PCDHGA3: variants seen among roughly 807,000 people sequenced by gnomAD.
The protein encoded by PCDHGA3 is protocadherin gamma-A3.
A neutral mutation model predicts 58.5 loss-of-function variants in PCDHGA3; 40 were observed. The observed-to-expected ratio is 0.68, with a 90% CI of 0.53 to 0.89. PCDHGA3 has a LOEUF of 0.89. Ranked by LOEUF, PCDHGA3 falls within the 40% of genes least tolerant of loss-of-function variation. The pLI is 0.00. For missense variants in PCDHGA3, 1,223 were observed against 1,195.9 expected (o/e 1.02, Z -0.33); for synonymous variants, 530 against 525.7 (o/e 1.01, Z -0.11).
chr5:141,355,452 G>T (rs371481857), intron 1 of PCDHGA3: 5 of 1,613,958 alleles, frequency 3.1e-6, no homozygotes, highest in Non-Finnish European at 4.2e-6. Context: ...GCGGCACCTT[G>T]GTCACCGCGG....
chr5:141,410,245 C>T, intron 1 of PCDHGA3: 1 of 1,614,038 alleles, frequency 6.2e-7, no homozygotes. Context: ...GCCCTGTACT[C>T]TCTGACCCCC....
At chr5:141,433,123 C>T (rs575738328) in intron 1 of PCDHGA3, 5 of 1,614,116 alleles carry the variant, frequency 3.1e-6, no homozygotes, top group African/African-American at 2.7e-5. Context: ...TTGAAAAAAG[C>T]GAGCCCCTTT....
rs771512073 is a variant in PCDHGA3, at chr5:141,345,913, G to C, written c.1880G>C (p.Arg627Pro). ...GTGGGTCTGCACACGGGCGAGGTGC[G>C]CACGGCGCGAGCCCTGCTGGACAGA... ...FSVGLHTGEV[R>P]TARALLDRDA... The change falls in exon 1 of 4, where the codon CGC becomes CCC. Residue 627 changes from arginine (R) to proline (P), a missense_variant. Physicochemically the swap from Arg to Pro is moderately radical, Grantham distance 103. Transcript: ENST00000253812. 6.2e-7 allele frequency: 1 copy of C among 1,613,248 alleles called. No homozygotes were observed. The highest frequency in any genetic ancestry group is 1.7e-5 in the Admixed American group (1 of 59,990).
At chr5:141,377,245 G>C (rs376774075) in intron 1 of PCDHGA3, 1 of 151,350 alleles carries the variant, frequency 6.6e-6, no homozygotes, top group South Asian at 2.1e-4. Context: ...TGTGACATTT[G>C]TAAGGTTCTT....
intron 1 of PCDHGA3, chr5:141,410,555 C>G: frequency 1.2e-6 from 2 of 1,613,202 alleles, no homozygotes; most frequent in Non-Finnish European, 1.7e-6. Flanking sequence ...CAGTGTTTCT[C>G]CTGGAGCCTT....
intron 1 of PCDHGA3, chr5:141,366,838 T>G: frequency 6.7e-7 from 1 of 1,503,394 alleles, no homozygotes; most frequent in Non-Finnish European, 8.9e-7. Context: ...ATCAGCTAGT[T>G]ATGTAAATAG....
rs182104750 is a variant in PCDHGA3 at position 141,376,315 on chromosome 5, A to C, written c.2424+29858A>C. 8.5e-4 allele frequency: 1,369 copies of C among 1,614,156 alleles called. 7 individuals are homozygous for C. The Middle Eastern group carries it at 0.016, about 18-fold the overall frequency. On this transcript the variant is annotated intron_variant, in intron 1 of 3. Coordinates refer to ENST00000253812, the MANE Select transcript of PCDHGA3 (RefSeq NM_018916.4). ...CCGGCTCGCACTTTGTGGGCGTGGA[A>C]GGGGTTCGGGCTTTCCTGCAGACCT...
intron 1 of PCDHGA3, chr5:141,395,555 TGTGTG>T: frequency 9.9e-6 from 1 of 101,256 alleles, no homozygotes; most frequent in Non-Finnish European, 1.7e-5. Context: ...TGTGTGTGTG[TGTGTG>T]TGTGTGTGTG....
intron 1 of PCDHGA3, chr5:141,388,158 A>T (rs763395906): frequency 3.4e-5 from 50 of 1,469,960 alleles, no homozygotes; most frequent in Non-Finnish European, 4.7e-5. Flanking sequence ...CAGGCTAGAC[A>T]GGGAGGAGAT....
chr5:141,387,209 T>A lies in PCDHGA3; in HGVS notation c.2424+40752T>A, dbSNP rs911946032. Among the ~76,000 whole-genome samples, 3 of 152,170 alleles carry A rather than the reference T, an allele frequency of 2.0e-5. No individual in the cohort carries two copies. In the South Asian group the frequency reaches 6.2e-4, roughly 31 times the overall value. On this transcript the variant is annotated intron_variant, in intron 1 of 3. Coordinates refer to ENST00000253812, the MANE Select transcript of PCDHGA3 (RefSeq NM_018916.4). ...GGCAATTTTGGTATTACTGATACTC[T>A]CCGGAAAAAGTTGAAATAAATCAAC...
chr5:141,392,741 C>T, intron 1 of PCDHGA3: 1 of 1,435,876 alleles, frequency 7.0e-7, no homozygotes. Context: ...ATCTCCATAG[C>T]TGCGGCAAGA....
chr5:141,359,246 A>G (rs1007985499), intron 1 of PCDHGA3, among the ~76,000 whole-genome samples: 1 of 152,156 alleles, frequency 6.6e-6, no homozygotes, highest in Non-Finnish European at 1.5e-5. Flanking sequence ...TAAAGTAATT[A>G]AGCCATAAAA....
At chr5:141,429,385 T>A (rs1274446916) in intron 1 of PCDHGA3, among the ~76,000 whole-genome samples, 1 of 151,844 alleles carries the variant, frequency 6.6e-6, no homozygotes, top group Non-Finnish European at 1.5e-5. Flanking sequence ...GTGTTTTTTT[T>A]TTAAAAAAAA....
intron 1 of PCDHGA3, chr5:141,421,970 A>G (rs2096615419): frequency 1.2e-6 from 2 of 1,610,810 alleles, no homozygotes; most frequent in Non-Finnish European, 1.7e-6. Context: ...CAGTCCGTAT[A>G]TCGCGTGAGT....
chr5:141,426,630 T>C, intron 1 of PCDHGA3: 1 of 398,080 alleles, frequency 2.5e-6, no homozygotes, highest in South Asian at 1.8e-5. Context: ...TCTAAATGTT[T>C]TTCACATAAA....
intron 1 of PCDHGA3, chr5:141,404,272 G>A (rs2094505108): frequency 6.2e-7 from 1 of 1,613,834 alleles, no homozygotes; most frequent in Non-Finnish European, 8.5e-7. Flanking sequence ...ACATCACCCT[G>A]CAAGTGACTG....
Position 141,511,212 on chromosome 5 carries a change from C to T in PCDHGA3, c.*39C>T. ...CCAAGAGCCACAGGGCGGCCTCTCC[C>T]CAACCAGCCCAGCTTCTCCTTACCT... is the stretch of plus-strand genomic sequence containing the variant. On this transcript the variant is annotated 3_prime_UTR_variant, in exon 4 of 4. Coordinates refer to ENST00000253812, the MANE Select transcript of PCDHGA3 (RefSeq NM_018916.4). 6.2e-7 allele frequency: 1 copy of T among 1,608,656 alleles called. No individual in the cohort carries two copies. Among genetic ancestry groups the T allele is most frequent in the Non-Finnish European group, 8.5e-7 (1 of 1,177,502 alleles).
chr5:141,409,857 T>C (rs761331515), intron 1 of PCDHGA3: 2 of 1,612,228 alleles, frequency 1.2e-6, no homozygotes, highest in African/African-American at 2.7e-5. Context: ...CGCGTGTTGG[T>C]GGGAGACCGC....
At chr5:141,475,950 C>T (rs1236145505) in intron 1 of PCDHGA3, 3 of 761,526 alleles carry the variant, frequency 3.9e-6, no homozygotes, top group East Asian at 2.7e-5. Context: ...CCCCTTTCTG[C>T]GCCCCGGGAT....
Sources: gnomAD v4.1 joint callset for allele counts (sites outside exome capture counted in the v4.1 genomes callset) on GRCh38, gnomAD v4.1.1 for gene constraint, MANE v1.5 for transcripts, NCBI Gene and HGNC (gene_info 2026-07-23, HGNC 2026-07-21) for gene names.